DIS3: variants seen among roughly 807,000 people sequenced by gnomAD.
DIS3 encodes the protein DIS3 exosome endoribonuclease and 3'-5' exoribonuclease.
A neutral mutation model predicts 113.0 loss-of-function variants in DIS3; 103 were observed. The ratio of observed to expected loss-of-function variants is 0.91; its 90% CI spans 0.78 to 1.07. DIS3 has a LOEUF of 1.07. Ranked by LOEUF, DIS3 falls within the 50% of genes least tolerant of loss-of-function variation. DIS3 has a pLI of 0.00. For synonymous variants in DIS3, 402 were observed against 394.3 expected (o/e 1.02, Z -0.23); for missense variants, 1,121 against 1,167.1 (o/e 0.96, Z 0.58).
rs563310804 is a variant in DIS3 at position 72,770,688 on chromosome 13, A to G, written c.1755+216T>C. ...CCGCAGCTGGGGACTTTTTTAGACT[A>G]TGTTTATATCTCAGGTACTTACATG... On this transcript the variant is annotated intron_variant, in intron 13 of 20. Coordinates refer to ENST00000377767, the MANE Select transcript of DIS3 (RefSeq NM_014953.5). Among the ~76,000 whole-genome samples the G allele has an allele frequency of 1.1e-4, 16 of 152,242 alleles. No homozygotes were observed. The South Asian group carries it at 2.1e-3, about 20-fold the overall frequency.
intron 15 of DIS3, among the ~76,000 whole-genome samples, chr13:72,765,062 G>A (rs1183614345): frequency 6.6e-6 from 1 of 152,100 alleles, no homozygotes; most frequent in Admixed American, 6.5e-5. Flanking sequence ...AAGTGCATAT[G>A]CATGTTGAAT....
chr13:72,780,145 G>A (rs1313677161), intron 2 of DIS3, among the ~76,000 whole-genome samples: 5 of 151,556 alleles, frequency 3.3e-5, no homozygotes, highest in Non-Finnish European at 4.4e-5. Flanking sequence ...GACCAACATG[G>A]TGAAACCCTG....
chr13:72,776,114 A>C, intron 4 of DIS3, 22 bp from the exon 5 acceptor site: 1 of 1,574,800 alleles, frequency 6.4e-7, no homozygotes, highest in Non-Finnish European at 8.6e-7. Flanking sequence ...GCAAACCAAA[A>C]GATGCCGCTA....
chr13:72,761,948 T>A lies in DIS3; in HGVS notation c.2317A>T (p.Thr773Ser). The A allele has an allele frequency of 6.2e-7, 1 of 1,614,144 alleles. No individual in the cohort carries two copies. The highest frequency in any genetic ancestry group is 2.2e-5 in the East Asian group (1 of 44,872). Residue 773 changes from threonine (T) to serine (S), a missense_variant, in exon 17 of 21, where the codon ACA becomes TCA. Around this residue, in one of 3 missense-constraint regions of DIS3, gnomAD observed 861 missense variants for 915.5 expected, o/e 0.94. Coordinates refer to ENST00000377767, the MANE Select transcript of DIS3 (RefSeq NM_014953.5). The stretch of plus-strand genomic sequence containing the variant: ...CTTCTAATGGGTGAAGTAAAATGTG[T>A]GTATATTGGAGACGCTAAGCCATAG... ...HHYGLASPIYTHFTSPIRRYA... is the reference protein window; with the variant it reads ...HHYGLASPIYSHFTSPIRRYA...
chr13:72,766,957 G>C (rs1266743003), intron 14 of DIS3, among the ~76,000 whole-genome samples: 2 of 152,104 alleles, frequency 1.3e-5, no homozygotes, highest in South Asian at 2.1e-4. Flanking sequence ...ATACTAAAAA[G>C]AGAATCTCAA....
At position 72,781,671 on chromosome 13, in the gene DIS3, G is replaced by A. The variant is rs773335904; in HGVS notation, c.162C>T (p.Asp54=). Reference sequence around the variant, plus strand: ...GTTGCGGGCAGACGCTGCTCGCCGGGTCCTGGGGCTGCGGCTCCAGGGCCG... The same window carrying A: ...GTTGCGGGCAGACGCTGCTCGCCGGATCCTGGGGCTGCGGCTCCAGGGCCG... ...EGPALEPQPQ[D]PASSVCPQPH... is the part of the protein sequence containing the mutation. Residue 54 remains aspartate (D), a synonymous_variant, in exon 1 of 21, where the codon GAC becomes GAT. Coordinates refer to ENST00000377767, the MANE Select transcript of DIS3 (RefSeq NM_014953.5). The A allele has an allele frequency of 1.2e-5, 19 of 1,550,992 alleles. No individual in the cohort carries two copies. The highest frequency in any genetic ancestry group is 1.5e-5 in the Non-Finnish European group (17 of 1,147,914).
rs964440218 is a variant in DIS3, at chr13:72,758,489, C to T, written c.*1306G>A. 7 of 207,734 alleles carry T rather than the reference C, an allele frequency of 3.4e-5. No homozygotes were observed. In the East Asian group the frequency reaches 5.1e-4, roughly 15 times the overall value. The allele number at this position is 207,734 out of a possible 1,614,324, so 12.9% of individuals were successfully genotyped here. On this transcript the variant is annotated 3_prime_UTR_variant, in exon 21 of 21. Transcript: ENST00000377767. The stretch of plus-strand genomic sequence containing the variant: ...AGAGTTGTGTACTATAGTTGCAATA[C>T]AGACCATAGCCAACAAAGTCTAAAA...
chr13:72,762,833 A>T (rs1013215388), intron 16 of DIS3, among the ~76,000 whole-genome samples: 6 of 141,904 alleles, frequency 4.2e-5, no homozygotes, highest in African/African-American at 1.8e-4. Context: ...TAAATAAATA[A>T]AAAAAAAAAA....
intron 20 of DIS3, among the ~76,000 whole-genome samples, chr13:72,760,314 T>C (rs948773466): frequency 1.3e-5 from 2 of 152,174 alleles, no homozygotes; most frequent in Non-Finnish European, 2.9e-5. Flanking sequence ...GACCTTTTTA[T>C]TTTAGCACCA....
chr13:72,761,292 A>C, intron 19 of DIS3, 71 bp downstream of exon 19: 5 of 1,516,552 alleles, frequency 3.3e-6, no homozygotes, highest in Non-Finnish European at 4.4e-6. Flanking sequence ...TATGCTTTAT[A>C]GGTACCATTT....
At chr13:72,775,695 C>A (rs188221488) in intron 5 of DIS3, among the ~76,000 whole-genome samples, 1 of 152,018 alleles carries the variant, frequency 6.6e-6, no homozygotes, top group East Asian at 1.9e-4. Flanking sequence ...GAGTACACTA[C>A]CTAGTTTTTA....
chr13:72,752,598 G>C lies in DIS3; in HGVS notation c.*7197C>G, dbSNP rs551652328. The C allele has an allele frequency of 2.0e-5, 3 of 152,340 alleles. No homozygotes were observed. The highest frequency in any genetic ancestry group is 1.3e-4 in the Admixed American group (2 of 15,310). The allele number at this position is 152,340 out of a possible 1,614,324, so 9.4% of individuals were successfully genotyped here. On this transcript the variant is annotated 3_prime_UTR_variant, in exon 21 of 21. Coordinates refer to ENST00000377767, the MANE Select transcript of DIS3 (RefSeq NM_014953.5). ...AGAGCTATTGGCAGAATCTCTGGGA[G>C]CAATCTGACATTTATATTTTTGATC...
At chr13:72,777,287 G>C (rs2034038563) in intron 4 of DIS3, 133 bp downstream of exon 4, 2 of 820,428 alleles carry the variant, frequency 2.4e-6, no homozygotes, top group Non-Finnish European at 3.9e-6. Flanking sequence ...ATCCACTCCT[G>C]TTTATAACAC....
At chr13:72,777,148 A>G (rs1186790225) in intron 4 of DIS3, among the ~76,000 whole-genome samples, 1 of 152,168 alleles carries the variant, frequency 6.6e-6, no homozygotes, top group Non-Finnish European at 1.5e-5. Flanking sequence ...CAAATCAGCC[A>G]TGGACTCCGT....
chr13:72,766,038 G>T lies in DIS3; in HGVS notation c.1904C>A (p.Pro635His). Reference protein sequence around the residue: ...IEKGALTLSSPEVRFHMDSET... With the variant: ...IEKGALTLSSHEVRFHMDSET... The stretch of plus-strand genomic sequence containing the variant: ...ACTGTCCATGTGGAATCGAACTTCA[G>T]GAGAGGATAGAGTCAAAGCCCTACA... Residue 635 changes from proline to histidine, a missense_variant, in exon 15 of 21, where the codon CCT (proline) becomes CAT (histidine). Transcript: ENST00000377767. 6.2e-7 allele frequency: 1 copy of T among 1,611,276 alleles called. No homozygotes were observed.
chr13:72,762,656 T>C (rs755087683), intron 16 of DIS3, among the ~76,000 whole-genome samples: 5 of 152,168 alleles, frequency 3.3e-5, no homozygotes, highest in Non-Finnish European at 7.4e-5. Flanking sequence ...ATGTAGGCCA[T>C]AGTCACCCAA....
Position 72,754,907 on chromosome 13 carries a change from TCTCA to T in DIS3, c.*4884_*4887del. The stretch of plus-strand genomic sequence containing the variant: ...TTTAAAATTTTTGGTAGAGACAGGG[TCTCA>T]CTATGTTGCCAGGGCTAGTCCCAAA... On this transcript the variant is annotated 3_prime_UTR_variant, in exon 21 of 21. Coordinates refer to ENST00000377767, the MANE Select transcript of DIS3 (RefSeq NM_014953.5). 1 of 383,640 alleles carries T rather than the reference TCTCA, an allele frequency of 2.6e-6. No homozygotes were observed. Among genetic ancestry groups the T allele is most frequent in the South Asian group, 3.5e-5 (1 of 28,476 alleles). 23.8% of individuals were successfully genotyped at this position (383,640 alleles called of 1,614,324 possible).
At chr13:72,781,257 G>A in intron 1 of DIS3, 1 of 1,550,102 alleles carries the variant, frequency 6.5e-7, no homozygotes, top group South Asian at 1.2e-5. Context: ...GAATACGTTG[G>A]CCCACATAGT....
intron 14 of DIS3, among the ~76,000 whole-genome samples, chr13:72,768,442 G>A (rs570973881): frequency 1.3e-3 from 200 of 152,292 alleles, no homozygotes; most frequent in African/African-American, 4.7e-3. Context: ...CTGAGGTCAG[G>A]AGTTCAAGAC....
Sources: gnomAD v4.1 joint callset for allele counts (sites outside exome capture counted in the v4.1 genomes callset) on GRCh38, gnomAD v4.1.1 for gene constraint, gnomAD v4.1.1 regional missense constraint, MANE v1.5 for transcripts, NCBI Gene and HGNC (gene_info 2026-07-23, HGNC 2026-07-21) for gene names.